The following KHDRBS2 variants were observed in gnomAD, a reference collection of about 807,000 sequenced individuals.
The protein encoded by KHDRBS2 is KH domain-containing, RNA-binding, signal transduction-associated protein 2.
Under a neutral mutation model 44.3 loss-of-function variants are expected in KHDRBS2, and 26 were observed. The ratio of observed to expected loss-of-function variants is 0.59; its 90% CI spans 0.43 to 0.81. The LOEUF (loss-of-function observed/expected upper bound fraction) is 0.81. Ranked by LOEUF, KHDRBS2 falls within the 40% of genes least tolerant of loss-of-function variation. The pLI is 0.00. For synonymous variants in KHDRBS2, 194 were observed against 151.1 expected, an observed-to-expected ratio of 1.28 and a Z score of -2.08; for missense variants, 476 against 433.1, an observed-to-expected ratio of 1.10 and a Z score of -0.88.
chr6:61,599,663 T>G, the KHDRBS2 span, among the ~76,000 whole-genome samples: 1 of 152,184 alleles, frequency 6.6e-6, no homozygotes, highest in African/African-American at 2.4e-5. Flanking sequence ...TTCCCAGGAT[T>G]AGCCAGGCAA....
intron 4 of KHDRBS2, among the ~76,000 whole-genome samples, chr6:61,941,084 A>T (rs1812037864): frequency 1.3e-5 from 2 of 152,154 alleles, no homozygotes; most frequent in African/African-American, 4.8e-5. Flanking sequence ...GCCTGAGAAC[A>T]AGCCCGCCCA....
At position 61,943,314 on chromosome 6, in the gene KHDRBS2, T is replaced by C. The variant is rs574651168; in HGVS notation, c.483+34752A>G. On this transcript the variant is annotated intron_variant, in intron 4 of 8. Coordinates refer to ENST00000281156, the MANE Select transcript of KHDRBS2 (RefSeq NM_152688.4). Reference sequence around the variant, plus strand: ...TTACCATCATGGAAGCATATGAAAGTACGGTAAAGCAAACAGACAAATACC... The same window carrying C: ...TTACCATCATGGAAGCATATGAAAGCACGGTAAAGCAAACAGACAAATACC... Among the ~76,000 whole-genome samples the C allele has an allele frequency of 2.6e-5, 4 of 151,368 alleles. No homozygotes were observed. In the South Asian group the frequency reaches 6.3e-4, roughly 24 times the overall value.
At chr6:62,185,255 T>C (rs1272013683) in intron 1 of KHDRBS2, among the ~76,000 whole-genome samples, 3 of 151,914 alleles carry the variant, frequency 2.0e-5, no homozygotes, top group Admixed American at 1.3e-4. Flanking sequence ...CAAAGCAGAA[T>C]AGGAAATTAT....
At chr6:61,845,146 A>C (rs1437942285) in intron 6 of KHDRBS2, among the ~76,000 whole-genome samples, 1 of 152,162 alleles carries the variant, frequency 6.6e-6, no homozygotes, top group Non-Finnish European at 1.5e-5. Context: ...CCTTTTAAAA[A>C]TAAACATGAT....
chr6:62,103,275 A>C (rs933966128), intron 2 of KHDRBS2, among the ~76,000 whole-genome samples: 6 of 152,026 alleles, frequency 3.9e-5, no homozygotes, highest in Non-Finnish European at 8.8e-5. Flanking sequence ...TGCTGAGATC[A>C]ACATGTAGTC....
At chr6:62,142,418 T>C (rs1813032979) in intron 2 of KHDRBS2, among the ~76,000 whole-genome samples, 1 of 152,070 alleles carries the variant, frequency 6.6e-6, no homozygotes, top group African/African-American at 2.4e-5. Context: ...TACATATAGA[T>C]TTCAATGAGA....
chr6:61,803,418 G>A (rs1156352795), intron 6 of KHDRBS2, among the ~76,000 whole-genome samples: 1 of 152,024 alleles, frequency 6.6e-6, no homozygotes, highest in African/African-American at 2.4e-5. Flanking sequence ...TTACTGAGAA[G>A]CACATGAACT....
At chr6:61,774,672 C>T (rs1781630018) in intron 6 of KHDRBS2, among the ~76,000 whole-genome samples, 1 of 152,018 alleles carries the variant, frequency 6.6e-6, no homozygotes, top group Non-Finnish European at 1.5e-5. Context: ...ACCAAAAAGT[C>T]GAGGACCAGA....
Position 62,181,544 on chromosome 6 carries a change from C to A in KHDRBS2, c.92-4232G>T, listed in dbSNP as rs1297581323. Among the ~76,000 whole-genome samples the A allele has an allele frequency of 2.0e-5, 3 of 151,886 alleles. No individual in the cohort carries two copies. In the East Asian group the frequency reaches 5.8e-4, roughly 29 times the overall value. On this transcript the variant is annotated intron_variant, in intron 1 of 8. Coordinates refer to ENST00000281156, the MANE Select transcript of KHDRBS2 (RefSeq NM_152688.4). ...GCTATTATTGAAAAAAGAAAGTTGGCAAGGATGTGGATAAAAGGGAATCCT... is the reference window on the plus strand; with the variant it reads ...GCTATTATTGAAAAAAGAAAGTTGGAAAGGATGTGGATAAAAGGGAATCCT...
rs16881505 is a variant in KHDRBS2, at chr6:62,147,152, T to C, written c.219+30033A>G. On this transcript the variant is annotated intron_variant, in intron 2 of 8. Transcript: ENST00000281156. Reference sequence around the variant, plus strand: ...AGTTTCTATTAGTCATTCTTATGTATCCTAGTTCCAGTTTCCTAGTTCCAG... The same window carrying C: ...AGTTTCTATTAGTCATTCTTATGTACCCTAGTTCCAGTTTCCTAGTTCCAG... Among the ~76,000 whole-genome samples, 1,232 of 151,882 alleles carry C rather than the reference T, an allele frequency of 8.1e-3. 17 individuals carry two copies. Among genetic ancestry groups the C allele is most frequent in the African/African-American group, 0.029 (1,194 of 41,370 alleles).
At chr6:62,045,943 G>A (rs1319400979) in intron 3 of KHDRBS2, among the ~76,000 whole-genome samples, 1 of 86,300 alleles carries the variant, frequency 1.2e-5, no homozygotes, top group Non-Finnish European at 2.6e-5. Context: ...AAGCAAGCAA[G>A]TGGAACAAAA....
At chr6:62,202,232 ATTCT>A (rs1827140234) in intron 1 of KHDRBS2, among the ~76,000 whole-genome samples, 1 of 152,086 alleles carries the variant, frequency 6.6e-6, no homozygotes, top group African/African-American at 2.4e-5. Flanking sequence ...TTTGAAATGA[ATTCT>A]TTAGAGACTG....
At chr6:62,035,501 G>T (rs772138556) in intron 3 of KHDRBS2, among the ~76,000 whole-genome samples, 1 of 151,970 alleles carries the variant, frequency 6.6e-6, no homozygotes, top group Non-Finnish European at 1.5e-5. Context: ...CTGGGAAGGG[G>T]TTAGTGGCTG....
intron 6 of KHDRBS2, among the ~76,000 whole-genome samples, chr6:61,850,620 C>A (rs1795277884): frequency 6.6e-6 from 1 of 152,114 alleles, no homozygotes; most frequent in African/African-American, 2.4e-5. Context: ...TCATTTGACA[C>A]AAAATTTATG....
chr6:61,984,834 T>A (rs1158928200), intron 3 of KHDRBS2, among the ~76,000 whole-genome samples: 1 of 152,192 alleles, frequency 6.6e-6, no homozygotes, highest in Non-Finnish European at 1.5e-5. Flanking sequence ...CTGCCAACAT[T>A]AAATATGCAT....
intron 6 of KHDRBS2, among the ~76,000 whole-genome samples, chr6:61,874,531 C>A (rs546181010): frequency 6.6e-6 from 1 of 152,130 alleles, no homozygotes. Flanking sequence ...AGTAACTAGT[C>A]GGTATTTGCT....
At chr6:61,552,163 A>G in the KHDRBS2 span, among the ~76,000 whole-genome samples, 1 of 151,854 alleles carries the variant, frequency 6.6e-6, no homozygotes, top group African/African-American at 2.4e-5. Context: ...ATATTTTTCT[A>G]TTTGTTTGTG....
the KHDRBS2 span, among the ~76,000 whole-genome samples, chr6:61,569,833 TTGTAG>T: frequency 1.3e-5 from 2 of 152,022 alleles, no homozygotes; most frequent in African/African-American, 4.8e-5. Context: ...ATAACAATCA[TTGTAG>T]TCTGGCTCCT....
At chr6:62,246,956 A>G (rs1835673973) in intron 1 of KHDRBS2, among the ~76,000 whole-genome samples, 1 of 152,100 alleles carries the variant, frequency 6.6e-6, no homozygotes, top group Non-Finnish European at 1.5e-5. Context: ...AGGCCAAAAG[A>G]TATGTTTGAA....
Sources: gnomAD v4.1 joint callset for allele counts (sites outside exome capture counted in the v4.1 genomes callset) on GRCh38, gnomAD v4.1.1 for gene constraint, MANE v1.5 for transcripts, NCBI Gene and HGNC (gene_info 2026-07-23, HGNC 2026-07-21) for gene names.